MAP4K3: variants seen among roughly 807,000 people sequenced by gnomAD.
MAP4K3 encodes MAPK/ERK kinase kinase kinase 3.
Under a neutral mutation model 143.5 loss-of-function variants are expected in MAP4K3, and 94 were observed. That is an observed-to-expected ratio of 0.65 (90% CI 0.55 to 0.78). The LOEUF (loss-of-function observed/expected upper bound fraction) is 0.78. Among genes scored for constraint, MAP4K3 ranks in the 30% least tolerant of loss-of-function variants. The pLI is 0.00. For missense variants in MAP4K3, 1,077 were observed against 1,068.1 expected, an observed-to-expected ratio of 1.01 and a Z score of -0.12; for synonymous variants, 416 against 347.2, an observed-to-expected ratio of 1.20 and a Z score of -2.20.
intron 1 of MAP4K3, among the ~76,000 whole-genome samples, chr2:39,433,004 C>CT (rs1185737248): frequency 6.6e-6 from 1 of 152,194 alleles, no homozygotes; most frequent in Non-Finnish European, 1.5e-5. Context: ...GAAAAAGAAT[C>CT]TAATAGTCAA....
At chr2:39,381,635 T>C (rs960565190) in intron 1 of MAP4K3, among the ~76,000 whole-genome samples, 1 of 152,226 alleles carries the variant, frequency 6.6e-6, no homozygotes, top group African/African-American at 2.4e-5. Context: ...TTTACGTCTA[T>C]AATCTGAGTG....
chr2:39,378,040 G>T (rs1210968586), intron 2 of MAP4K3, 26 bp downstream of exon 2: 1 of 1,385,856 alleles, frequency 7.2e-7, no homozygotes, highest in Non-Finnish European at 1.0e-6. Flanking sequence ...CTAGCAGTAA[G>T]AAAAAATGAA....
intron 24 of MAP4K3, among the ~76,000 whole-genome samples, chr2:39,276,147 C>T (rs1425587599): frequency 6.6e-6 from 1 of 152,172 alleles, no homozygotes; most frequent in Non-Finnish European, 1.5e-5. Flanking sequence ...GCTGGGATTA[C>T]AGGCATGAGC....
At chr2:39,360,377 A>G (rs1276874759) in intron 2 of MAP4K3, among the ~76,000 whole-genome samples, 1 of 152,184 alleles carries the variant, frequency 6.6e-6, no homozygotes, top group African/African-American at 2.4e-5. Flanking sequence ...AAAGTTCCAA[A>G]TGTTCCCACA....
intron 1 of MAP4K3, among the ~76,000 whole-genome samples, chr2:39,433,327 T>C (rs1179123628): frequency 1.3e-5 from 2 of 152,204 alleles, no homozygotes; most frequent in Admixed American, 6.5e-5. Flanking sequence ...ATTGAGACTA[T>C]TCTTTCAAAA....
chr2:39,290,238 A>T, intron 19 of MAP4K3, 54 bp downstream of exon 19: 6 of 1,331,944 alleles, frequency 4.5e-6, no homozygotes, highest in Non-Finnish European at 6.2e-6. Context: ...ACAAAGTATT[A>T]AATTGGCAGA....
rs1680531625 is a variant in MAP4K3 at position 39,260,663 on chromosome 2, C to T, written c.2251G>A (p.Val751Met). ...GGATTGACCGTCTCAAATCGAACCA[C>T]TTGGTTGAAGTCTCTACCTCTACTG... ...GVSRGRDFNQ[V>M]VRFETVNPNS... is the part of the protein sequence containing the mutation. The change falls in exon 29 of 34, where the codon GTG becomes ATG. Residue 751 changes from valine to methionine, a missense_variant. By Grantham distance (21) the Val-to-Met change is conservative. Coordinates refer to ENST00000263881, the MANE Select transcript of MAP4K3 (RefSeq NM_003618.4). 1.9e-6 allele frequency: 3 copies of T among 1,614,118 alleles called. No individual in the cohort carries two copies. Among genetic ancestry groups the T allele is most frequent in the Middle Eastern group, 1.6e-4 (1 of 6,062 alleles).
At chr2:39,314,329 C>G (rs776104248) in intron 13 of MAP4K3, among the ~76,000 whole-genome samples, 18 of 152,312 alleles carry the variant, frequency 1.2e-4, no homozygotes, top group Non-Finnish European at 2.4e-4. Flanking sequence ...TGTACCTGGC[C>G]TCTAATTACT....
At chr2:39,347,495 T>A (rs573492950) in intron 3 of MAP4K3, among the ~76,000 whole-genome samples, 1 of 152,138 alleles carries the variant, frequency 6.6e-6, no homozygotes, top group African/African-American at 2.4e-5. Context: ...ATTAACAGAA[T>A]AACATGTAAA....
intron 8 of MAP4K3, among the ~76,000 whole-genome samples, chr2:39,327,022 TTATAC>T (rs1270822377): frequency 1.3e-5 from 2 of 152,196 alleles, no homozygotes; most frequent in African/African-American, 4.8e-5. Flanking sequence ...TGTTACTTCC[TTATAC>T]TAGTTACTAA....
chr2:39,311,833 T>A (rs1682947083), intron 13 of MAP4K3, among the ~76,000 whole-genome samples: 1 of 152,182 alleles, frequency 6.6e-6, no homozygotes, highest in African/African-American at 2.4e-5. Context: ...CAAAATCTGT[T>A]AGAGACAATA....
At chr2:39,341,267 C>T (rs769408956) in intron 4 of MAP4K3, among the ~76,000 whole-genome samples, 43 of 152,182 alleles carry the variant, frequency 2.8e-4, no homozygotes, top group Admixed American at 7.9e-4. Flanking sequence ...AAAGAAAATA[C>T]CTGTCAACCT....
chr2:39,296,516 C>T (rs1045293282), intron 16 of MAP4K3, among the ~76,000 whole-genome samples: 2 of 152,042 alleles, frequency 1.3e-5, no homozygotes, highest in East Asian at 3.9e-4. Context: ...GAAATGTTGA[C>T]GAAAAGGTTA....
At chr2:39,419,580 A>C (rs146034024) in intron 1 of MAP4K3, among the ~76,000 whole-genome samples, 20 of 152,292 alleles carry the variant, frequency 1.3e-4, no homozygotes, top group Non-Finnish European at 2.8e-4. Context: ...AAAGAAAAAA[A>C]GTTTGTCAAA....
chr2:39,303,447 T>C (rs974160029), intron 15 of MAP4K3, among the ~76,000 whole-genome samples: 2 of 152,174 alleles, frequency 1.3e-5, no homozygotes, highest in Non-Finnish European at 2.9e-5. Flanking sequence ...AAATGAATAT[T>C]GGCAGGTGAG....
In MAP4K3 at chr2:39,278,165, C is replaced by A. The variant is rs13015357; in HGVS notation, c.1794+242G>T. ...GGCGTGGTGGTGCGTGCCTCTACTC[C>A]CAGCTACTTGGGAGGCTGAGGCATG... On this transcript the variant is annotated intron_variant, in intron 24 of 33. Coordinates refer to ENST00000263881, the MANE Select transcript of MAP4K3 (RefSeq NM_003618.4). Among the ~76,000 whole-genome samples the A allele has an allele frequency of 0.1, 15,814 of 151,694 alleles. 1,146 individuals carry two copies. The highest frequency in any genetic ancestry group is 0.15 in the South Asian group (705 of 4,784).
In MAP4K3 at chr2:39,325,808, T is replaced by C. The variant is rs1180641223; in HGVS notation, c.729A>G (p.Ser243=). 2.5e-6 allele frequency: 4 copies of C among 1,602,100 alleles called. No homozygotes were observed. The highest frequency in any genetic ancestry group is 3.4e-6 in the Non-Finnish European group (4 of 1,175,714). ...PPKLKDKMKW[S]NSFHHFVKMA... Reference sequence around the variant, plus strand: ...TTTTCACAAAGTGATGAAAACTATTTGACCTAAGAAATTTAGAAAATTAGA... The same window carrying C: ...TTTTCACAAAGTGATGAAAACTATTCGACCTAAGAAATTTAGAAAATTAGA... Residue 243 remains serine (S), a synonymous_variant, in exon 11 of 34, where the codon TCA becomes TCG. Transcript: ENST00000263881.
rs954497415 is a variant in MAP4K3 at position 39,293,634 on chromosome 2, T to C, written c.1179-366A>G. On this transcript the variant is annotated intron_variant, in intron 16 of 33. Coordinates refer to ENST00000263881, the MANE Select transcript of MAP4K3 (RefSeq NM_003618.4). ...GAGTCTCCAGGATTCAAATTTTACC[T>C]GGAATTTTATACCTGACACCTGAAA... Among the ~76,000 whole-genome samples the C allele has an allele frequency of 2.6e-5, 4 of 152,214 alleles. No individual in the cohort carries two copies. The South Asian group carries it at 8.3e-4, about 32-fold the overall frequency.
chr2:39,253,439 A>G (rs1035545654), intron 32 of MAP4K3, among the ~76,000 whole-genome samples: 6 of 152,152 alleles, frequency 3.9e-5, no homozygotes. Flanking sequence ...GCCAGCAGCT[A>G]CCTTTTAAAC....
Sources: allele counts gnomAD v4.1 joint callset (sites outside exome capture counted in the v4.1 genomes callset), GRCh38; gene constraint gnomAD v4.1.1; transcripts MANE v1.5; gene names NCBI Gene and HGNC (gene_info 2026-07-23, HGNC 2026-07-21).